The following MTOR variants were observed in gnomAD, a reference collection of about 807,000 sequenced individuals.
The protein encoded by MTOR is serine/threonine-protein kinase mTOR.
Under a neutral mutation model 319.8 loss-of-function variants are expected in MTOR, and 70 were observed. The ratio of observed to expected loss-of-function variants is 0.22; its 90% CI spans 0.18 to 0.27. MTOR has a LOEUF of 0.27. Ranked by LOEUF, MTOR falls within the 10% of genes least tolerant of loss-of-function variation. The pLI is 1.00. For missense variants in MTOR, 1,890 were observed against 3,274.4 expected (o/e 0.58, Z 10.32); for synonymous variants, 1,183 against 1,211.4 (o/e 0.98, Z 0.49).
chr1:11,135,294 A>G (rs536539507), intron 36 of MTOR, among the ~76,000 whole-genome samples: 21 of 152,218 alleles, frequency 1.4e-4, no homozygotes, highest in Non-Finnish European at 1.8e-4. Context: ...AAAACCCACA[A>G]ATAGAAAAAA....
chr1:11,174,357 G>A (rs1644919418), intron 28 of MTOR, among the ~76,000 whole-genome samples: 1 of 152,102 alleles, frequency 6.6e-6, no homozygotes, highest in Non-Finnish European at 1.5e-5. Flanking sequence ...GCCCTCCTGT[G>A]CCTTCATTTT....
At chr1:11,184,649 T>C (rs1645257417) in intron 28 of MTOR, among the ~76,000 whole-genome samples, 1 of 152,102 alleles carries the variant, frequency 6.6e-6, no homozygotes, top group South Asian at 2.1e-4. Flanking sequence ...GAGGACTGCT[T>C]CAGCTCACGA....
rs1650025639 is a variant in MTOR, at chr1:11,253,883, A to G, written c.796T>C (p.Leu266=). 1.2e-6 allele frequency: 2 copies of G among 1,614,124 alleles called. No individual in the cohort carries two copies. Among genetic ancestry groups the G allele is most frequent in the African/African-American group, 1.3e-5 (1 of 75,034 alleles). Residue 266 remains leucine (L), a synonymous_variant, in exon 6 of 58, where the codon TTG becomes CTG. Transcript: ENST00000361445. ...ATTCGGACCAGCTCGTTAAGGATCA[A>G]CAAGGCTCCATGGATCCGATCATCC... The part of the protein sequence containing the change: ...NRDDRIHGAL[L]ILNELVRISS...
intron 19 of MTOR, 142 bp downstream of exon 19, chr1:11,228,526 T>C (rs941773090): frequency 1.7e-6 from 2 of 1,151,372 alleles, no homozygotes; most frequent in African/African-American, 1.5e-5. Context: ...GATTGTACAC[T>C]TTATATGTTG....
At chr1:11,256,811 C>G in intron 4 of MTOR, 122 bp downstream of exon 4, 2 of 907,776 alleles carry the variant, frequency 2.2e-6, no homozygotes, top group Non-Finnish European at 3.4e-6. Flanking sequence ...CATCTCACAG[C>G]CTGGAATCCT....
chr1:11,109,522 C>A lies in MTOR; in HGVS notation c.7447+127G>T. 8.2e-7 allele frequency: 1 copy of A among 1,217,588 alleles called. No homozygotes were observed. The highest frequency in any genetic ancestry group is 1.2e-6 in the Non-Finnish European group (1 of 838,614). The allele number at this position is 1,217,588 out of a possible 1,614,324, so 75.4% of individuals were successfully genotyped here. A position where few individuals can be genotyped will look rare whatever the true frequency, so the allele number is the denominator to read the frequency against. The stretch of plus-strand genomic sequence containing the variant: ...TGTCCTCAGAATATAATGAGAAATT[C>A]ATGGAACCTTTTCTGCTCAAAGGCA... On this transcript the variant is annotated intron_variant, in intron 55 of 57. Transcript: ENST00000361445. This position sits in a 1 kb window ranked among gnomAD's most constrained non-coding sequence, Gnocchi z 4.0.
intron 28 of MTOR, among the ~76,000 whole-genome samples, chr1:11,187,087 C>T (rs887181018): frequency 6.6e-6 from 1 of 152,072 alleles, no homozygotes; most frequent in East Asian, 1.9e-4. Context: ...ATTTTCTGCC[C>T]ACATATAAGA....
chr1:11,195,123 G>C (rs1021350791), intron 28 of MTOR: 6 of 1,243,220 alleles, frequency 4.8e-6, no homozygotes, highest in African/African-American at 1.5e-5. Context: ...GGGTAGGACT[G>C]AGAAACAGCC....
At chr1:11,164,491 C>T (rs545966164) in intron 29 of MTOR, among the ~76,000 whole-genome samples, 17 of 152,172 alleles carry the variant, frequency 1.1e-4, no homozygotes, top group Non-Finnish European at 1.6e-4. Context: ...ACTAGAAAAT[C>T]TAGAAGAAAT....
intron 20 of MTOR, 139 bp downstream of exon 20, chr1:11,216,008 TG>T: frequency 2.0e-6 from 1 of 499,692 alleles, no homozygotes; most frequent in Non-Finnish European, 3.5e-6. Context: ...CAAAATCCAG[TG>T]GGCTTTGTTC....
chr1:11,231,267 G>A (rs1421514067), intron 17 of MTOR, 33 bp downstream of exon 17: 2 of 1,613,256 alleles, frequency 1.2e-6, no homozygotes, highest in Non-Finnish European at 1.7e-6. Flanking sequence ...TCCCAGCAAA[G>A]TCTTTAAAGA....
rs1480959049 is a variant in MTOR, at chr1:11,243,040, G to A, written c.1412+74C>T. On this transcript the variant is annotated intron_variant, in intron 9 of 57. Transcript: ENST00000361445. ...GATGCAAAAAATGGGCGTAAGCTCC[G>A]TGGATCTGAAATAGAGCGTCCTTCC... The A allele has an allele frequency of 1.4e-5, 22 of 1,552,958 alleles. No individual in the cohort carries two copies. The South Asian group carries it at 1.7e-4, about 12-fold the overall frequency.
intron 19 of MTOR, among the ~76,000 whole-genome samples, chr1:11,227,168 C>T (rs1005381711): frequency 2.6e-5 from 4 of 151,026 alleles, no homozygotes; most frequent in Admixed American, 2.6e-4. Context: ...CTTGGTGGTG[C>T]ACCCCTGTAA....
At chr1:11,240,222 G>A (rs1647826530) in intron 11 of MTOR, 81 bp downstream of exon 11, 1 of 1,491,638 alleles carries the variant, frequency 6.7e-7, no homozygotes, top group African/African-American at 1.4e-5. Flanking sequence ...GCAAGATCCA[G>A]GAATCCTAGA....
chr1:11,260,609 A>G (rs1462766021), intron 1 of MTOR, among the ~76,000 whole-genome samples: 4 of 152,152 alleles, frequency 2.6e-5, no homozygotes, highest in Non-Finnish European at 2.9e-5. Flanking sequence ...GCTTGTAGCC[A>G]TATTTTAAAA....
chr1:11,155,040 A>T (rs542954906), intron 30 of MTOR, among the ~76,000 whole-genome samples: 13 of 152,330 alleles, frequency 8.5e-5, no homozygotes, highest in Admixed American at 2.6e-4. Flanking sequence ...CTCAGCTACA[A>T]GGGAGGCTAA....
At chr1:11,209,198 C>T (rs1367480317) in intron 25 of MTOR, 114 bp downstream of exon 25, 5 of 1,304,274 alleles carry the variant, frequency 3.8e-6, no homozygotes, top group Non-Finnish European at 5.3e-6. Flanking sequence ...ATCTAGATTT[C>T]TGGAAAAAAC....
intron 53 of MTOR, among the ~76,000 whole-genome samples, chr1:11,113,189 C>G (rs1212719713): frequency 2.6e-5 from 4 of 152,128 alleles, no homozygotes; most frequent in African/African-American, 7.2e-5. Flanking sequence ...GGATTAGAAG[C>G]TCTTTTGGTG....
At chr1:11,202,608 ATAAAAATTTT>A (rs929633095) in intron 26 of MTOR, among the ~76,000 whole-genome samples, 26 of 151,748 alleles carry the variant, frequency 1.7e-4, no homozygotes, top group African/African-American at 6.1e-4. Context: ...TCCAAAATCT[ATAAAAATTTT>A]TAAAAATTAA....
Sources: gnomAD v4.1 joint callset for allele counts (sites outside exome capture counted in the v4.1 genomes callset) on GRCh38, gnomAD v4.1.1 for gene constraint, Gnocchi (gnomAD v3.1) non-coding constraint, MANE v1.5 for transcripts, NCBI Gene and HGNC (gene_info 2026-07-23, HGNC 2026-07-21) for gene names.